Variants in GALNT13 observed in about 807,000 individuals in gnomAD.
The protein encoded by GALNT13 is UDP-GalNAc:polypeptide N-acetylgalactosaminyltransferase 13.
A neutral mutation model predicts 64.2 loss-of-function variants in GALNT13; 28 were observed. That is an observed-to-expected ratio of 0.44 (90% confidence interval 0.32 to 0.60). The LOEUF is 0.60. Among genes scored for constraint, GALNT13 ranks in the 20% least tolerant of loss-of-function variants. GALNT13 has a pLI of 0.05. For synonymous variants in GALNT13, 214 were observed against 224.6 expected, an observed-to-expected ratio of 0.95 and a Z score of 0.42; for missense variants, 577 against 669.8, an observed-to-expected ratio of 0.86 and a Z score of 1.53.
chr2:153,725,298 G>A, the GALNT13 span, among the ~76,000 whole-genome samples: 102 of 151,222 alleles, frequency 6.7e-4, no homozygotes, highest in African/African-American at 2.3e-3. Context: ...ACACTCTGGG[G>A]ACTGTGGTGT....
chr2:154,165,911 A>C (rs569666922), intron 4 of GALNT13, among the ~76,000 whole-genome samples: 1 of 152,284 alleles, frequency 6.6e-6, no homozygotes, highest in Admixed American at 6.5e-5. Flanking sequence ...AGTTCAAGAG[A>C]GTATTGAACA....
the GALNT13 span, among the ~76,000 whole-genome samples, chr2:153,136,004 C>T: frequency 2.0e-5 from 3 of 152,164 alleles, no homozygotes; most frequent in East Asian, 5.8e-4. Flanking sequence ...TCAATGAGTT[C>T]TATACAGGGG....
the GALNT13 span, among the ~76,000 whole-genome samples, chr2:153,769,837 T>C: frequency 6.6e-6 from 1 of 152,230 alleles, no homozygotes; most frequent in Non-Finnish European, 1.5e-5. Flanking sequence ...AGCTCTGAAA[T>C]TCTTTCACTC....
chr2:153,408,536 C>A, the GALNT13 span, among the ~76,000 whole-genome samples: 1 of 152,106 alleles, frequency 6.6e-6, no homozygotes, highest in Non-Finnish European at 1.5e-5. Flanking sequence ...TCAAAAGGGA[C>A]CCTGGCTCAC....
the GALNT13 span, among the ~76,000 whole-genome samples, chr2:153,638,805 A>G: frequency 6.6e-6 from 1 of 152,106 alleles, no homozygotes; most frequent in Non-Finnish European, 1.5e-5. Context: ...AGAGGAATAA[A>G]TGTCATTGGC....
chr2:153,509,118 C>T, the GALNT13 span, among the ~76,000 whole-genome samples: 1 of 152,306 alleles, frequency 6.6e-6, no homozygotes, highest in Middle Eastern at 3.4e-3. Context: ...GAAGAGAGGA[C>T]AGAGGAAGAA....
chr2:154,416,317 C>A (rs1012721), intron 11 of GALNT13, among the ~76,000 whole-genome samples: 63,431 of 151,778 alleles, frequency 0.42, 13,876 homozygotes, highest in Admixed American at 0.52. Context: ...GTTCATTGAG[C>A]CTTCTTCTTG....
At chr2:153,685,456 A>G in the GALNT13 span, among the ~76,000 whole-genome samples, 1 of 152,036 alleles carries the variant, frequency 6.6e-6, no homozygotes, top group Non-Finnish European at 1.5e-5. Context: ...GGCCACATGT[A>G]AGTCTTCTTT....
chr2:154,071,303 A>G (rs908929288), intron 3 of GALNT13, among the ~76,000 whole-genome samples: 1 of 152,150 alleles, frequency 6.6e-6, no homozygotes, highest in African/African-American at 2.4e-5. Context: ...GACGCCATTT[A>G]GATGAAGAGC....
At chr2:153,577,172 T>C in the GALNT13 span, among the ~76,000 whole-genome samples, 1 of 152,174 alleles carries the variant, frequency 6.6e-6, no homozygotes, top group Non-Finnish European at 1.5e-5. Context: ...CATGACATTT[T>C]TAGAGAAATT....
chr2:154,099,173 A>T (rs1702222498), intron 3 of GALNT13, among the ~76,000 whole-genome samples: 1 of 152,088 alleles, frequency 6.6e-6, no homozygotes, highest in Non-Finnish European at 1.5e-5. Flanking sequence ...ACAATTAGTG[A>T]TGTTGAGCAT....
chr2:154,305,027 A>G (rs1399975711), intron 9 of GALNT13, among the ~76,000 whole-genome samples: 1 of 152,236 alleles, frequency 6.6e-6, no homozygotes, highest in Non-Finnish European at 1.5e-5. Context: ...GAATGGACGC[A>G]GGCTAGAAAC....
rs548468792 is a variant in GALNT13, at chr2:154,328,494, C to T, written c.1156+26905C>T. Among the ~76,000 whole-genome samples the T allele has an allele frequency of 3.9e-5, 6 of 152,096 alleles. No individual in the cohort carries two copies. In the South Asian group the frequency reaches 1.2e-3, roughly 32 times the overall value. On this transcript the variant is annotated intron_variant, in intron 9 of 12. Transcript: ENST00000392825. The stretch of plus-strand genomic sequence containing the variant: ...TTATTGTAAATGATGCTGCTGTGAT[C>T]ATTATTTTTCATGTTTTCTGGTGCA...
At chr2:153,453,886 AT>A in the GALNT13 span, among the ~76,000 whole-genome samples, 1 of 152,236 alleles carries the variant, frequency 6.6e-6, no homozygotes, top group Admixed American at 6.5e-5. Context: ...TCAACAGTGG[AT>A]TGGATGAAGA....
At chr2:154,233,427 G>A (rs1006262004) in intron 4 of GALNT13, among the ~76,000 whole-genome samples, 1 of 152,136 alleles carries the variant, frequency 6.6e-6, no homozygotes, top group African/African-American at 2.4e-5. Context: ...GTTTACCCAC[G>A]TGAGCAACTT....
chr2:153,151,211 C>G, the GALNT13 span, among the ~76,000 whole-genome samples: 1 of 151,586 alleles, frequency 6.6e-6, no homozygotes, highest in Admixed American at 6.6e-5. Flanking sequence ...TTTTTTGCAG[C>G]CAAAAGACAC....
At chr2:153,301,581 A>G in the GALNT13 span, among the ~76,000 whole-genome samples, 1 of 152,096 alleles carries the variant, frequency 6.6e-6, no homozygotes, top group Non-Finnish European at 1.5e-5. Context: ...ATTTTTAAGA[A>G]TACGATATGT....
At chr2:153,259,622 G>C in the GALNT13 span, among the ~76,000 whole-genome samples, 6 of 152,000 alleles carry the variant, frequency 3.9e-5, no homozygotes, top group African/African-American at 1.4e-4. Context: ...GAGATCTATT[G>C]GTTTTATAAA....
the GALNT13 span, among the ~76,000 whole-genome samples, chr2:153,769,927 G>C: frequency 6.6e-6 from 1 of 152,012 alleles, no homozygotes; most frequent in African/African-American, 2.4e-5. Context: ...GTTCTGTTTA[G>C]TCTTTTTGTA....
Sources: allele counts gnomAD v4.1 joint callset (sites outside exome capture counted in the v4.1 genomes callset), GRCh38; gene constraint gnomAD v4.1.1; transcripts MANE v1.5; gene names NCBI Gene and HGNC (gene_info 2026-07-23, HGNC 2026-07-21).